VAPB: variants seen among roughly 807,000 people sequenced by gnomAD.
VAPB encodes the protein VAMP associated protein B and C.
A neutral mutation model predicts 25.6 loss-of-function variants in VAPB; 7 were observed. That is an observed-to-expected ratio of 0.27 (90% confidence interval 0.16 to 0.51). The LOEUF (loss-of-function observed/expected upper bound fraction) is 0.51. Ranked by LOEUF, VAPB falls within the 20% of genes least tolerant of loss-of-function variation. VAPB has a pLI of 0.97. For missense variants in VAPB, 266 were observed against 301.3 expected, an observed-to-expected ratio of 0.88 and a Z score of 0.87; for synonymous variants, 112 against 109.2, an observed-to-expected ratio of 1.03 and a Z score of -0.16.
rs1309341713 is a variant in VAPB at position 58,448,018 on chromosome 20, G to T, written c.*3783G>T. 1 of 453,748 alleles carries T rather than the reference G, an allele frequency of 2.2e-6. No homozygotes were observed. The allele number at this position is 453,748 out of a possible 1,614,324, so 28.1% of individuals were successfully genotyped here. A position where few individuals can be genotyped will look rare whatever the true frequency, so the allele number is the denominator to read the frequency against. On this transcript the variant is annotated 3_prime_UTR_variant, in exon 6 of 6. Transcript: ENST00000475243. ...GCCTCTCGTGGCTTTCCCTGCCCCC[G>T]GCTGTCTGGCCTGAAGAAGGAGAAA...
In VAPB at chr20:58,427,192, C is replaced by T. The variant is rs1344861910; in HGVS notation, c.212-7410C>T. Reference sequence around the variant, plus strand: ...GACGAAAGTGATCTGTGATCTGTTACCATTATGATGCAGGCGAAAGTGATC... The same window carrying T: ...GACGAAAGTGATCTGTGATCTGTTATCATTATGATGCAGGCGAAAGTGATC... On this transcript the variant is annotated intron_variant, in intron 2 of 5. Transcript: ENST00000475243. 2.7e-5 allele frequency among the ~76,000 whole-genome samples: 4 copies of T among 150,772 alleles called. No homozygotes were observed. The East Asian group carries it at 5.9e-4, about 22-fold the overall frequency.
rs118014276 is a variant in VAPB, at chr20:58,389,967, A to G, written c.58+450A>G. Among the ~76,000 whole-genome samples, 129 of 152,186 alleles carry G rather than the reference A, an allele frequency of 8.5e-4. 1 individual carries two copies. The highest frequency in any genetic ancestry group is 1.4e-3 in the Non-Finnish European group (95 of 67,998). On this transcript the variant is annotated intron_variant, in intron 1 of 5. Coordinates refer to ENST00000475243, the MANE Select transcript of VAPB (RefSeq NM_004738.5). ...CCGTGCACACCTGCTGTCATTCCCTATTCCGTCACTGTTTCGTGGTCAGCA... is the reference window on the plus strand; with the variant it reads ...CCGTGCACACCTGCTGTCATTCCCTGTTCCGTCACTGTTTCGTGGTCAGCA...
intron 1 of VAPB, among the ~76,000 whole-genome samples, chr20:58,394,253 TG>T (rs1987893012): frequency 6.6e-6 from 1 of 152,206 alleles, no homozygotes; most frequent in African/African-American, 2.4e-5. Flanking sequence ...TTTTGTTTTT[TG>T]TATGGGAAAA....
At chr20:58,405,074 AAAC>A (rs1029032117) in intron 1 of VAPB, among the ~76,000 whole-genome samples, 1 of 152,190 alleles carries the variant, frequency 6.6e-6, no homozygotes, top group African/African-American at 2.4e-5. Context: ...AAACAACTAA[AAAC>A]AATGCAAGAT....
Position 58,448,862 on chromosome 20 carries a change from A to G in VAPB, c.*4627A>G. 1 of 454,068 alleles carries G rather than the reference A, an allele frequency of 2.2e-6. No individual in the cohort carries two copies. Among genetic ancestry groups the G allele is most frequent in the Non-Finnish European group, 4.4e-6 (1 of 226,784 alleles). 28.1% of individuals were successfully genotyped at this position (454,068 alleles called of 1,614,324 possible). A position where few individuals can be genotyped will look rare whatever the true frequency, so the allele number is the denominator to read the frequency against. On this transcript the variant is annotated 3_prime_UTR_variant, in exon 6 of 6. Coordinates refer to ENST00000475243, the MANE Select transcript of VAPB (RefSeq NM_004738.5). Reference sequence around the variant, plus strand: ...TGGAGAATGACTTTGGGGGCTTTAGAAAGAATATTGCCAGTCCGTCTCGGC... The same window carrying G: ...TGGAGAATGACTTTGGGGGCTTTAGGAAGAATATTGCCAGTCCGTCTCGGC...
chr20:58,393,752 G>A (rs1366878827), intron 1 of VAPB, among the ~76,000 whole-genome samples: 2 of 146,752 alleles, frequency 1.4e-5, no homozygotes, highest in African/African-American at 5.1e-5. Context: ...TTTTTTTTGA[G>A]ATGGAGTTTG....
At position 58,445,679 on chromosome 20, in the gene VAPB, TAA is replaced by T. The variant is rs1989267542; in HGVS notation, c.*1445_*1446del. 4 of 451,640 alleles carry T rather than the reference TAA, an allele frequency of 8.9e-6. No individual in the cohort carries two copies. Among genetic ancestry groups the T allele is most frequent in the African/African-American group, 8.3e-5 (4 of 48,410 alleles). 28.0% of individuals were successfully genotyped at this position (451,640 alleles called of 1,614,324 possible). On this transcript the variant is annotated 3_prime_UTR_variant, in exon 6 of 6. Coordinates refer to ENST00000475243, the MANE Select transcript of VAPB (RefSeq NM_004738.5). ...ACTGAGAAATACGTGTTTCATGATTTAACTCTGTGTGTGTGTGTGTGTGTGTG... is the reference window on the plus strand; with the variant it reads ...ACTGAGAAATACGTGTTTCATGATTTCTCTGTGTGTGTGTGTGTGTGTGTG...
At chr20:58,398,559 C>CAAG (rs61034454) in intron 1 of VAPB, among the ~76,000 whole-genome samples, 32,347 of 151,822 alleles carry the variant, frequency 0.21, 3,936 homozygotes, top group African/African-American at 0.32. Context: ...TATTGGGAGA[C>CAAG]GAGGGAAAAT....
chr20:58,441,068 G>A lies in VAPB; in HGVS notation c.558G>A (p.Glu186=). 6.2e-7 allele frequency: 1 copy of A among 1,613,990 alleles called. No individual in the cohort carries two copies. Among genetic ancestry groups the A allele is most frequent in the Non-Finnish European group, 8.5e-7 (1 of 1,179,974 alleles). ...LQGEVQRLRE[E]NKQFKEEDGL... is the part of the protein sequence containing the mutation. The stretch of plus-strand genomic sequence containing the variant: ...GTGAAGTTCAGAGGCTACGGGAGGA[G>A]AACAAGCAGTTCAAGGTAATAGTTT... Residue 186 remains glutamate (E), a synonymous_variant, in exon 5 of 6, where the codon GAG becomes GAA. Coordinates refer to ENST00000475243, the MANE Select transcript of VAPB (RefSeq NM_004738.5).
chr20:58,418,476 ACCCCAC>A, intron 2 of VAPB, 113 bp downstream of exon 2: 3 of 1,331,456 alleles, frequency 2.3e-6, no homozygotes, highest in Non-Finnish European at 3.0e-6. Context: ...AATTCTCTCC[ACCCCAC>A]CCCCACCCCA....
intron 2 of VAPB, among the ~76,000 whole-genome samples, chr20:58,425,415 C>T (rs1988763487): frequency 6.6e-6 from 1 of 152,188 alleles, no homozygotes; most frequent in South Asian, 2.1e-4. Context: ...GATTCAGGAA[C>T]GCTTTGAATG....
rs1989279507 is a variant in VAPB, at chr20:58,445,889, A to G, written c.*1654A>G. 1 of 454,092 alleles carries G rather than the reference A, an allele frequency of 2.2e-6. No homozygotes were observed. Among genetic ancestry groups the G allele is most frequent in the Non-Finnish European group, 4.4e-6 (1 of 226,790 alleles). The allele number at this position is 454,092 out of a possible 1,614,324, so 28.1% of individuals were successfully genotyped here. Reference sequence around the variant, plus strand: ...GAGACTAGTAACGGGCGTTCTGGGCACAGTCCCACTGTGCACAGGTTTGAG... The same window carrying G: ...GAGACTAGTAACGGGCGTTCTGGGCGCAGTCCCACTGTGCACAGGTTTGAG... On this transcript the variant is annotated 3_prime_UTR_variant, in exon 6 of 6. Coordinates refer to ENST00000475243, the MANE Select transcript of VAPB (RefSeq NM_004738.5).
chr20:58,389,235 C>G lies in VAPB; in HGVS notation c.-225C>G. On this transcript the variant is annotated 5_prime_UTR_variant, in exon 1 of 6. Transcript: ENST00000475243. ...CGTGCGTGCGTGCGTGCGTGCGTGCCGTCAGCTCGCCGGGCACCGCGGCCT... is the reference window on the plus strand; with the variant it reads ...CGTGCGTGCGTGCGTGCGTGCGTGCGGTCAGCTCGCCGGGCACCGCGGCCT... 1.5e-6 allele frequency: 1 copy of G among 645,846 alleles called. No homozygotes were observed. 40.0% of individuals were successfully genotyped at this position (645,846 alleles called of 1,614,324 possible).
chr20:58,441,929 A>G (rs549545021), intron 5 of VAPB, among the ~76,000 whole-genome samples: 4 of 152,154 alleles, frequency 2.6e-5, no homozygotes, highest in Non-Finnish European at 4.4e-5. Context: ...GGTGGAGATT[A>G]TGGAAGGAAA....
At chr20:58,434,265 A>G (rs1212776962) in intron 2 of VAPB, among the ~76,000 whole-genome samples, 1 of 152,234 alleles carries the variant, frequency 6.6e-6, no homozygotes, top group African/African-American at 2.4e-5. Flanking sequence ...TGAGCAAAAC[A>G]GGCAGATGGT....
At chr20:58,408,217 A>G (rs1304305551) in intron 1 of VAPB, among the ~76,000 whole-genome samples, 6 of 152,206 alleles carry the variant, frequency 3.9e-5, no homozygotes, top group African/African-American at 9.6e-5. Flanking sequence ...TCTTGCTGCA[A>G]TAACAGGTGT....
At chr20:58,403,834 G>A (rs992631902) in intron 1 of VAPB, among the ~76,000 whole-genome samples, 3 of 152,138 alleles carry the variant, frequency 2.0e-5, no homozygotes, top group Admixed American at 1.3e-4. Context: ...TGTATTTACC[G>A]TTTACCTTCT....
chr20:58,424,261 C>T (rs16981947), intron 2 of VAPB, among the ~76,000 whole-genome samples: 15,084 of 152,126 alleles, frequency 0.099, 912 homozygotes, highest in East Asian at 0.26. Context: ...TTACCTTAGA[C>T]TTACTGTTAA....
At position 58,450,046 on chromosome 20, in the gene VAPB, A is replaced by T. The variant is rs138464346; in HGVS notation, c.*5811A>T. The stretch of plus-strand genomic sequence containing the variant: ...TTGCGGGGCTTTTTAGGGTTTAAGA[A>T]GATGAGAAATGAGTGTGCACGTTTC... On this transcript the variant is annotated 3_prime_UTR_variant, in exon 6 of 6. Transcript: ENST00000475243. The T allele has an allele frequency of 1.5e-4, 68 of 454,020 alleles. No homozygotes were observed. Among genetic ancestry groups the T allele is most frequent in the Non-Finnish European group, 7.9e-5 (18 of 226,798 alleles). 28.1% of individuals were successfully genotyped at this position (454,020 alleles called of 1,614,324 possible). A position where few individuals can be genotyped will look rare whatever the true frequency, so the allele number is the denominator to read the frequency against.
Sources: allele counts gnomAD v4.1 joint callset (sites outside exome capture counted in the v4.1 genomes callset), GRCh38; gene constraint gnomAD v4.1.1; transcripts MANE v1.5; gene names NCBI Gene and HGNC (gene_info 2026-07-23, HGNC 2026-07-21).